DAAM1: variants seen among roughly 807,000 people sequenced by gnomAD.
The protein encoded by DAAM1 is dishevelled associated activator of morphogenesis 1, also known as disheveled-associated activator of morphogenesis 1.
A neutral mutation model predicts 130.0 loss-of-function variants in DAAM1; 52 were observed. The observed-to-expected ratio is 0.40, with a 90% CI of 0.32 to 0.50. The LOEUF (loss-of-function observed/expected upper bound fraction) is 0.50, where lower values mean the gene tolerates loss of function less well. DAAM1 is among the 20% of genes least tolerant of loss of function. The pLI, the probability that DAAM1 is intolerant of heterozygous loss-of-function variation, is 0.61. For synonymous variants in DAAM1, 452 were observed against 444.5 expected, an observed-to-expected ratio of 1.02 and a Z score of -0.21; for missense variants, 1,134 against 1,303.8, an observed-to-expected ratio of 0.87 and a Z score of 2.01.
At chr14:59,246,604 T>G (rs565696493) in intron 1 of DAAM1, among the ~76,000 whole-genome samples, 1 of 152,204 alleles carries the variant, frequency 6.6e-6, no homozygotes, top group Non-Finnish European at 1.5e-5. Flanking sequence ...AATTATATTA[T>G]TAATTTTTTG....
At chr14:59,288,559 C>CA (rs1231907938) in intron 2 of DAAM1, among the ~76,000 whole-genome samples, 2 of 151,868 alleles carry the variant, frequency 1.3e-5, no homozygotes, top group East Asian at 3.9e-4. Flanking sequence ...AATCAGCAAG[C>CA]AAAAAACAAC....
At chr14:59,319,706 A>G (rs949883499) in intron 4 of DAAM1, among the ~76,000 whole-genome samples, 1 of 152,184 alleles carries the variant, frequency 6.6e-6, no homozygotes, top group Non-Finnish European at 1.5e-5. Context: ...TAGACACCTT[A>G]CTGGCATTCT....
intron 1 of DAAM1, among the ~76,000 whole-genome samples, chr14:59,255,508 C>T (rs1881840007): frequency 6.6e-6 from 1 of 152,064 alleles, no homozygotes; most frequent in Admixed American, 6.5e-5. Flanking sequence ...AGTTTTTTTC[C>T]TTTCACATTT....
intron 1 of DAAM1, among the ~76,000 whole-genome samples, chr14:59,221,945 T>C (rs1426030934): frequency 1.3e-5 from 2 of 152,234 alleles, no homozygotes; most frequent in Admixed American, 6.5e-5. Flanking sequence ...CACTCCCATT[T>C]CCACTCCTGA....
intron 1 of DAAM1, among the ~76,000 whole-genome samples, chr14:59,227,807 G>C (rs557112058): frequency 2.0e-5 from 3 of 152,310 alleles, no homozygotes; most frequent in Non-Finnish European, 4.4e-5. Context: ...AAATGTGTTT[G>C]AGTTCATAGA....
Position 59,351,320 on chromosome 14 carries a change from T to C in DAAM1, c.2161-1206T>C, listed in dbSNP as rs190589473. ...CATTTTTAATCTCTTCTAATTCTTT[T>C]TCCATCCTGCAAGCACGGCAATTTT... On this transcript the variant is annotated intron_variant, in intron 17 of 24. Coordinates refer to ENST00000360909, the MANE Select transcript of DAAM1 (RefSeq NM_001270520.2). Among the ~76,000 whole-genome samples the C allele has an allele frequency of 4.4e-3, 669 of 152,316 alleles. 2 individuals carry two copies. The highest frequency in any genetic ancestry group is 0.015 in the African/African-American group (631 of 41,566).
chr14:59,189,443 C>T (rs1009163981), intron 1 of DAAM1, among the ~76,000 whole-genome samples: 1 of 152,194 alleles, frequency 6.6e-6, no homozygotes, highest in African/African-American at 2.4e-5. Context: ...GAGGCTGCGC[C>T]GCCTGCGGAC....
chr14:59,332,614 G>C (rs982179874), intron 15 of DAAM1, among the ~76,000 whole-genome samples: 1 of 152,222 alleles, frequency 6.6e-6, no homozygotes, highest in African/African-American at 2.4e-5. Context: ...AGTCACATCT[G>C]TGTGGTACCT....
chr14:59,261,400 T>A (rs1181335788), intron 1 of DAAM1, among the ~76,000 whole-genome samples: 1 of 152,222 alleles, frequency 6.6e-6, no homozygotes, highest in Non-Finnish European at 1.5e-5. Context: ...TGGTACATAG[T>A]GGGTATTAAT....
In DAAM1 at chr14:59,324,299, TTA is replaced by T; in HGVS notation, c.886-50_886-49del. The T allele has an allele frequency of 2.8e-6, 4 of 1,453,740 alleles. No individual in the cohort carries two copies. The South Asian group carries it at 6.6e-5, about 24-fold the overall frequency. 90.1% of individuals were successfully genotyped at this position (1,453,740 alleles called of 1,614,324 possible). A position where few individuals can be genotyped will look rare whatever the true frequency, so the allele number is the denominator to read the frequency against. On this transcript the variant is annotated intron_variant, in intron 7 of 24. Transcript: ENST00000360909. ...AATAATAATTTATAAAAAGTGATTA[TTA>T]TGTAGTCTAAAAACCACAAATATGT... is the stretch of plus-strand genomic sequence containing the variant.
At chr14:59,192,937 C>G (rs377438702) in intron 1 of DAAM1, among the ~76,000 whole-genome samples, 3 of 152,186 alleles carry the variant, frequency 2.0e-5, no homozygotes, top group African/African-American at 7.2e-5. Flanking sequence ...CCTGTAGTCC[C>G]AGTTACTCAG....
intron 16 of DAAM1, among the ~76,000 whole-genome samples, chr14:59,342,198 A>G (rs931597142): frequency 6.6e-6 from 1 of 152,192 alleles, no homozygotes; most frequent in Non-Finnish European, 1.5e-5. Context: ...AGTTTAGTGT[A>G]TAAGTATTAT....
chr14:59,365,912 T>G (rs1886898051), intron 23 of DAAM1, among the ~76,000 whole-genome samples: 1 of 152,084 alleles, frequency 6.6e-6, no homozygotes, highest in African/African-American at 2.4e-5. Context: ...ACAAACAATT[T>G]GACATTGAAT....
chr14:59,263,375 C>A, intron 1 of DAAM1, 66 bp from the exon 2 acceptor site: 2 of 1,413,072 alleles, frequency 1.4e-6, no homozygotes, highest in East Asian at 2.4e-5. Flanking sequence ...TTGAGTTGGT[C>A]TGGCCTTTTA....
Position 59,225,906 on chromosome 14 carries a change from A to G in DAAM1, c.-38+37138A>G, listed in dbSNP as rs112311994. Among the ~76,000 whole-genome samples the G allele has an allele frequency of 7.6e-4, 114 of 150,678 alleles. 1 individual carries two copies. Among genetic ancestry groups the G allele is most frequent in the African/African-American group, 2.8e-3 (112 of 40,176 alleles). Reference sequence around the variant, plus strand: ...TGCTATTAAAAATAATATGTTGCCCATGTATATCTATGAATTGATATATAT... The same window carrying G: ...TGCTATTAAAAATAATATGTTGCCCGTGTATATCTATGAATTGATATATAT... On this transcript the variant is annotated intron_variant, in intron 1 of 24. Coordinates refer to ENST00000360909, the MANE Select transcript of DAAM1 (RefSeq NM_001270520.2).
At chr14:59,339,683 G>T (rs1286955024) in intron 15 of DAAM1, among the ~76,000 whole-genome samples, 1 of 152,160 alleles carries the variant, frequency 6.6e-6, no homozygotes, top group Non-Finnish European at 1.5e-5. Context: ...CTTGCAAGTG[G>T]CTGGACCGGC....
intron 3 of DAAM1, among the ~76,000 whole-genome samples, chr14:59,307,671 C>T (rs763726235): frequency 2.2e-4 from 33 of 152,224 alleles, no homozygotes; most frequent in Non-Finnish European, 4.4e-4. Flanking sequence ...AGGAGCAGAG[C>T]CCTGGGGGGT....
intron 1 of DAAM1, among the ~76,000 whole-genome samples, chr14:59,214,657 A>G (rs745932205): frequency 3.9e-5 from 6 of 152,196 alleles, no homozygotes; most frequent in Non-Finnish European, 7.3e-5. Context: ...CCAAAGGTTC[A>G]TCCATGTCAT....
In DAAM1 at chr14:59,369,011, G is replaced by A. The variant is rs1887036280; in HGVS notation, c.*152G>A. The A allele has an allele frequency of 3.1e-6, 2 of 646,956 alleles. No individual in the cohort carries two copies. Among genetic ancestry groups the A allele is most frequent in the East Asian group, 2.8e-5 (1 of 36,180 alleles). The allele number at this position is 646,956 out of a possible 1,614,324, so 40.1% of individuals were successfully genotyped here. A position where few individuals can be genotyped will look rare whatever the true frequency, so the allele number is the denominator to read the frequency against. On this transcript the variant is annotated 3_prime_UTR_variant, in exon 25 of 25. Transcript: ENST00000360909. ...AACGTGTGTATGTAAATGTATGTGTGTATATATTAAAAAATGTATATAGAT... is the reference window on the plus strand; with the variant it reads ...AACGTGTGTATGTAAATGTATGTGTATATATATTAAAAAATGTATATAGAT...
Sources: gnomAD v4.1 joint callset for allele counts (sites outside exome capture counted in the v4.1 genomes callset) on GRCh38, gnomAD v4.1.1 for gene constraint, MANE v1.5 for transcripts, NCBI Gene and HGNC (gene_info 2026-07-23, HGNC 2026-07-21) for gene names.